DNAH9: variants seen among roughly 807,000 people sequenced by gnomAD.
The protein encoded by DNAH9 is DNAH9 variant protein.
In DNAH9, 345 loss-of-function variants were observed where a neutral mutation model predicts 471.6. That is an observed-to-expected ratio of 0.73 (90% CI 0.67 to 0.80). The LOEUF (loss-of-function observed/expected upper bound fraction) is 0.80. DNAH9 is among the 30% of genes least tolerant of loss of function. The pLI, the probability that DNAH9 is intolerant of heterozygous loss-of-function variation, is 0.00. For missense variants in DNAH9, 5,407 were observed against 5,609.2 expected (o/e 0.96, Z 1.15); for synonymous variants, 2,093 against 2,123.6 (o/e 0.99, Z 0.40).
intron 31 of DNAH9, among the ~76,000 whole-genome samples, chr17:11,745,819 AG>A (rs2075515040): frequency 6.6e-6 from 1 of 152,230 alleles, no homozygotes; most frequent in African/African-American, 2.4e-5. Flanking sequence ...GGGAAGATAA[AG>A]GCAACATCCC....
chr17:11,657,265 G>A (rs2073669483), intron 14 of DNAH9, among the ~76,000 whole-genome samples: 1 of 152,050 alleles, frequency 6.6e-6, no homozygotes, highest in African/African-American at 2.4e-5. Context: ...TACCATTTTA[G>A]TCAGTGTGTT....
chr17:11,895,034 G>A (rs1443786978), intron 59 of DNAH9, among the ~76,000 whole-genome samples: 1 of 152,166 alleles, frequency 6.6e-6, no homozygotes, highest in South Asian at 2.1e-4. Flanking sequence ...GGTATTATTT[G>A]TTCCCATTTA....
At chr17:11,733,584 G>A (rs2075300833) in intron 28 of DNAH9, among the ~76,000 whole-genome samples, 1 of 152,166 alleles carries the variant, frequency 6.6e-6, no homozygotes, top group African/African-American at 2.4e-5. Flanking sequence ...AGGTGCGGTG[G>A]CTCACGCCTG....
intron 53 of DNAH9, among the ~76,000 whole-genome samples, chr17:11,876,569 G>C (rs934524986): frequency 1.3e-5 from 2 of 152,164 alleles, no homozygotes; most frequent in Non-Finnish European, 2.9e-5. Flanking sequence ...AGACAAATGT[G>C]GTATGATTCC....
At chr17:11,741,240 C>T (rs2075428945) in intron 29 of DNAH9, among the ~76,000 whole-genome samples, 1 of 152,022 alleles carries the variant, frequency 6.6e-6, no homozygotes, top group Admixed American at 6.6e-5. Flanking sequence ...CTATTACATA[C>T]CCAACAAATT....
chr17:11,811,939 G>A (rs1353912769), intron 45 of DNAH9, among the ~76,000 whole-genome samples: 1 of 129,362 alleles, frequency 7.7e-6, no homozygotes, highest in Non-Finnish European at 1.6e-5. Context: ...GCAGTGAGCT[G>A]AGATCATGCC....
chr17:11,690,279 A>G lies in DNAH9; in HGVS notation c.4457A>G (p.Lys1486Arg). Residue 1486 changes from lysine to arginine, a missense_variant, in exon 20 of 69, where the codon AAG becomes AGG. This residue lies in a region of DNAH9 where 4,636 missense variants were observed against 4,900.3 expected (regional missense o/e 0.95). Transcript: ENST00000262442. ...QVQLQNLVMS[K>R]YVAFFLEEVS... ...CAACTTCAGAACCTGGTGATGTCCA[A>G]GTATGTTGCTTTCTTCTTGGAGGAG... The G allele has an allele frequency of 1.2e-6, 2 of 1,614,204 alleles. No individual in the cohort carries two copies. Among genetic ancestry groups the G allele is most frequent in the South Asian group, 2.2e-5 (2 of 91,082 alleles).
At position 11,701,201 on chromosome 17, in the gene DNAH9, A is replaced by G; in HGVS notation, c.5105A>G (p.Tyr1702Cys). 1.9e-6 allele frequency: 3 copies of G among 1,614,042 alleles called. No individual in the cohort carries two copies. The highest frequency in any genetic ancestry group is 2.5e-6 in the Non-Finnish European group (3 of 1,179,988). Residue 1702 changes from tyrosine (Y) to cysteine (C), a missense_variant, in exon 24 of 69, where the codon TAT becomes TGT. By Grantham distance (194) the Tyr-to-Cys change is radical (BLOSUM62 -2). Transcript: ENST00000262442. ...RHEMTEGVTAYEEKPREQWLF... is the reference protein window; with the variant it reads ...RHEMTEGVTACEEKPREQWLF... ...GAGATGACAGAAGGTGTAACTGCCT[A>G]TGAAGAAAAGCCGAGGGAGCAGTGG...
chr17:11,733,766 G>A (rs545547398), intron 28 of DNAH9, among the ~76,000 whole-genome samples: 8 of 150,610 alleles, frequency 5.3e-5, no homozygotes, highest in Non-Finnish European at 1.2e-4. Context: ...GCTGAGGCAG[G>A]GGAATGGCGG....
intron 28 of DNAH9, among the ~76,000 whole-genome samples, chr17:11,735,378 G>A (rs2075328356): frequency 6.6e-6 from 1 of 152,110 alleles, no homozygotes; most frequent in Non-Finnish European, 1.5e-5. Context: ...CTCATTCCCA[G>A]TTGAGAACAC....
chr17:11,654,712 A>G (rs2073601214), intron 14 of DNAH9, among the ~76,000 whole-genome samples: 1 of 152,014 alleles, frequency 6.6e-6, no homozygotes, highest in Non-Finnish European at 1.5e-5. Context: ...TATCTACTAT[A>G]CACTACCATA....
intron 26 of DNAH9, among the ~76,000 whole-genome samples, chr17:11,709,401 G>C (rs1186670892): frequency 6.6e-6 from 1 of 152,044 alleles, no homozygotes; most frequent in Non-Finnish European, 1.5e-5. Flanking sequence ...TTTTTGCACA[G>C]AAAAAAATTG....
intron 22 of DNAH9, among the ~76,000 whole-genome samples, chr17:11,695,954 C>T (rs1435978646): frequency 6.6e-6 from 1 of 152,148 alleles, no homozygotes; most frequent in Non-Finnish European, 1.5e-5. Flanking sequence ...TTTTCCCATA[C>T]ATGTTTATTT....
At chr17:11,770,885 A>G (rs1206484439) in intron 38 of DNAH9, among the ~76,000 whole-genome samples, 1 of 152,088 alleles carries the variant, frequency 6.6e-6, no homozygotes, top group Non-Finnish European at 1.5e-5. Context: ...GCCAATTTCC[A>G]TGGTGTAAAT....
At position 11,810,339 on chromosome 17, in the gene DNAH9, C is replaced by T; in HGVS notation, c.8677C>T (p.Leu2893Phe). ...TGCCCAAGTGGCTGATGAGAGGTTC[C>T]TTGTGCTCATCAATGATCTTTTGGC... ...TDAQVADERFLVLINDLLASG... is the reference protein window; with the variant it reads ...TDAQVADERFFVLINDLLASG... Residue 2893 changes from leucine (L) to phenylalanine (F), a missense_variant, in exon 45 of 69, where the codon CTT (leucine) becomes TTT (phenylalanine). By Grantham distance (22) the Leu-to-Phe change is conservative (BLOSUM62 0). Coordinates refer to ENST00000262442, the MANE Select transcript of DNAH9 (RefSeq NM_001372.4). 2 of 1,613,374 alleles carry T rather than the reference C, an allele frequency of 1.2e-6. No individual in the cohort carries two copies. Among genetic ancestry groups the T allele is most frequent in the African/African-American group, 2.7e-5 (2 of 74,996 alleles).
intron 67 of DNAH9, among the ~76,000 whole-genome samples, chr17:11,944,872 G>C (rs1035551497): frequency 1.3e-5 from 2 of 152,160 alleles, no homozygotes; most frequent in African/African-American, 4.8e-5. Flanking sequence ...AGAGGCAAAA[G>C]AAAAAAGTTA....
At chr17:11,692,996 C>T (rs2074359802) in intron 20 of DNAH9, among the ~76,000 whole-genome samples, 1 of 151,642 alleles carries the variant, frequency 6.6e-6, no homozygotes, top group Admixed American at 6.6e-5. Flanking sequence ...ACCTCCGCCT[C>T]CCGGTTTCGA....
At chr17:11,850,999 AGGAAACCATCATGGCTCTAGGATG>A (rs1296478653) in intron 49 of DNAH9, among the ~76,000 whole-genome samples, 42 of 152,340 alleles carry the variant, frequency 2.8e-4, no homozygotes, top group African/African-American at 8.9e-4. Flanking sequence ...GGTTCTCTGA[AGGAAACCATCATGGCTCTAGGATG>A]GGAAATGACT....
At chr17:11,960,778 A>C (rs1184866481) in intron 67 of DNAH9, among the ~76,000 whole-genome samples, 2 of 152,060 alleles carry the variant, frequency 1.3e-5, no homozygotes, top group African/African-American at 4.8e-5. Context: ...AAAGAATTCC[A>C]AAAGTTAAGA....
Sources: gnomAD v4.1 joint callset for allele counts (sites outside exome capture counted in the v4.1 genomes callset) on GRCh38, gnomAD v4.1.1 for gene constraint, gnomAD v4.1.1 regional missense constraint, MANE v1.5 for transcripts, NCBI Gene and HGNC (gene_info 2026-07-23, HGNC 2026-07-21) for gene names.